MCF2L: variants seen among roughly 807,000 people sequenced by gnomAD.
MCF2L encodes guanine nucleotide exchange factor DBS.
MCF2L carries 97 observed loss-of-function variants against 153.4 expected under a neutral mutation model. The ratio of observed to expected loss-of-function variants is 0.63; its 90% CI spans 0.54 to 0.75. The LOEUF (loss-of-function observed/expected upper bound fraction) is 0.75. Ranked by LOEUF, MCF2L falls within the 30% of genes least tolerant of loss-of-function variation. The probability of loss-of-function intolerance (pLI) is 0.00; values close to 1 mark genes in which losing one functional copy is unlikely to be tolerated. For synonymous variants in MCF2L, 659 were observed against 632.2 expected (o/e 1.04, Z -0.64); for missense variants, 1,347 against 1,495.2 (o/e 0.90, Z 1.64).
chr13:113,049,882 C>T (rs982029319), intron 4 of MCF2L, among the ~76,000 whole-genome samples: 1 of 152,232 alleles, frequency 6.6e-6, no homozygotes, highest in Non-Finnish European at 1.5e-5. Context: ...ATGCCTTCAG[C>T]ATGGCTTGGA....
chr13:112,896,606 G>A (rs1036238292), intron 1 of MCF2L, among the ~76,000 whole-genome samples: 62 of 152,318 alleles, frequency 4.1e-4, no homozygotes, highest in Non-Finnish European at 7.2e-4. Context: ...CAGTTGAGAT[G>A]ATTTGGGATC....
At chr13:113,090,231 C>T (rs1049519289) in intron 26 of MCF2L, 38 of 1,430,542 alleles carry the variant, frequency 2.7e-5, no homozygotes, top group African/African-American at 1.6e-4. Context: ...TGTGACCATT[C>T]GTGCCTCCTT....
intron 2 of MCF2L, among the ~76,000 whole-genome samples, chr13:112,953,125 TTAAATAAA>T (rs1257483268): frequency 2.6e-5 from 4 of 152,108 alleles, no homozygotes; most frequent in African/African-American, 9.7e-5. Context: ...ACTTCAAGAG[TTAAATAAA>T]TACAGGCCTT....
chr13:113,023,852 A>G lies in MCF2L; in HGVS notation c.164-792A>G, dbSNP rs377381864. Among the ~76,000 whole-genome samples, 26 of 152,160 alleles carry G rather than the reference A, an allele frequency of 1.7e-4. No homozygotes were observed. The East Asian group carries it at 5.0e-3, about 29-fold the overall frequency. On this transcript the variant is annotated intron_variant, in intron 2 of 29. Coordinates refer to ENST00000535094, the MANE Select transcript of MCF2L (RefSeq NM_001112732.3). ...TGCCCTTTCACAAAGTCCACCCTCA[A>G]CCCTGGGTACTGGCCTCCTCAGAGC...
intron 1 of MCF2L, among the ~76,000 whole-genome samples, chr13:112,994,695 C>T (rs1476831765): frequency 5.3e-5 from 8 of 152,152 alleles, no homozygotes; most frequent in African/African-American, 9.6e-5. Context: ...AATCCAGCCC[C>T]GAGGGTGGGG....
chr13:112,919,365 C>A (rs1175976972), intron 2 of MCF2L, among the ~76,000 whole-genome samples: 1 of 151,334 alleles, frequency 6.6e-6, no homozygotes, highest in African/African-American at 2.4e-5. Context: ...GCCACTACGC[C>A]CGGCTAATTT....
Position 113,053,586 on chromosome 13 carries a change from G to C in MCF2L, c.370-7007G>C, listed in dbSNP as rs2087518111. ...GTGCCTCTCCTCTTGGTAATCAGTGGGTCATGTGTGGTGATGCTCAGGACG... is the reference window on the plus strand; with the variant it reads ...GTGCCTCTCCTCTTGGTAATCAGTGCGTCATGTGTGGTGATGCTCAGGACG... On this transcript the variant is annotated intron_variant, in intron 4 of 29. Transcript: ENST00000535094. This position sits in a 1 kb window ranked among gnomAD's most constrained non-coding sequence, Gnocchi z 4.4. Among the ~76,000 whole-genome samples the C allele has an allele frequency of 6.6e-6, 1 of 152,172 alleles. No homozygotes were observed. The highest frequency in any genetic ancestry group is 2.4e-5 in the African/African-American group (1 of 41,442).
chr13:112,965,750 A>C (rs1038312566), upstream of MCF2L: 1 of 152,208 alleles, frequency 6.6e-6, no homozygotes, highest in Non-Finnish European at 1.5e-5. Flanking sequence ...CTGATCATCC[A>C]GAAAGGTCGC....
chr13:112,942,155 A>T (rs6577021), intron 2 of MCF2L, among the ~76,000 whole-genome samples: 38,619 of 152,184 alleles, frequency 0.25, 5,041 homozygotes, highest in Admixed American at 0.28. Flanking sequence ...CTGGAGGCCT[A>T]ACCGTCTCCC....
intron 2 of MCF2L, among the ~76,000 whole-genome samples, chr13:112,923,839 G>A (rs2081377653): frequency 6.6e-6 from 1 of 152,142 alleles, no homozygotes; most frequent in Admixed American, 6.5e-5. Flanking sequence ...GTTGTCCTGT[G>A]TTTTATCTTT....
At chr13:112,996,103 C>T (rs368837868) in intron 1 of MCF2L, among the ~76,000 whole-genome samples, 87 of 152,314 alleles carry the variant, frequency 5.7e-4, no homozygotes, top group African/African-American at 2.0e-3. Context: ...CATGCAGTCT[C>T]CAAGGCTGGG....
At chr13:113,020,815 G>GTGC (rs2084828384) in intron 2 of MCF2L, among the ~76,000 whole-genome samples, 1 of 151,648 alleles carries the variant, frequency 6.6e-6, no homozygotes, top group Non-Finnish European at 1.5e-5. Context: ...TGTATAGTGT[G>GTGC]TGCGCGTGTG....
intron 2 of MCF2L, among the ~76,000 whole-genome samples, chr13:112,922,696 G>A (rs1391538441): frequency 4.6e-5 from 7 of 152,330 alleles, no homozygotes; most frequent in Admixed American, 2.6e-4. Context: ...TTAGCCAGGC[G>A]TGGTGGCACG....
rs779274453 is a variant in MCF2L at position 112,915,410 on chromosome 13, CAA to C, written c.169+13053_169+13054del. 3.5e-5 allele frequency among the ~76,000 whole-genome samples: 3 copies of C among 86,922 alleles called. 1 individual carries two copies. The highest frequency in any genetic ancestry group is 1.1e-4 in the African/African-American group (2 of 18,730). 57.0% of individuals were successfully genotyped at this position (86,922 alleles called of 152,430 possible). A position where few individuals can be genotyped will look rare whatever the true frequency, so the allele number is the denominator to read the frequency against. ...GGTGACAGAGCAAGACTCTGTCTCA[CAA>C]AAAAAAAAAAAAATCCATCCTCACT... On this transcript the variant is annotated intron_variant, in intron 2 of 29. Coordinates refer to the MCF2L transcript ENST00000375608.
At chr13:112,916,414 C>A (rs749029463) in intron 2 of MCF2L, among the ~76,000 whole-genome samples, 3 of 152,174 alleles carry the variant, frequency 2.0e-5, no homozygotes, top group Non-Finnish European at 4.4e-5. Flanking sequence ...ATCTTCTGAG[C>A]TCCTGCTTGA....
intron 1 of MCF2L, among the ~76,000 whole-genome samples, chr13:113,013,055 C>A (rs2084276141): frequency 6.6e-6 from 1 of 152,120 alleles, no homozygotes; most frequent in African/African-American, 2.4e-5. Context: ...ACAGTGCCTC[C>A]TGGTTTCCTC....
chr13:113,075,429 G>T (rs1398328833), intron 11 of MCF2L, among the ~76,000 whole-genome samples: 2 of 151,352 alleles, frequency 1.3e-5, no homozygotes, highest in Admixed American at 6.6e-5. Flanking sequence ...TGGGCTCAAG[G>T]GATCCTCCCA....
intron 1 of MCF2L, chr13:112,979,819 C>T: frequency 1.3e-6 from 2 of 1,483,272 alleles, no homozygotes; most frequent in Non-Finnish European, 9.1e-7. Context: ...TGCAGGTGTC[C>T]TCTCTGCGGG....
At chr13:113,041,980 G>C (rs914687261) in intron 3 of MCF2L, among the ~76,000 whole-genome samples, 2 of 152,180 alleles carry the variant, frequency 1.3e-5, no homozygotes, top group Admixed American at 6.5e-5. Flanking sequence ...GCCTGGAGAG[G>C]ATCATAGCAC....
Sources: gnomAD v4.1 joint callset for allele counts (sites outside exome capture counted in the v4.1 genomes callset) on GRCh38, gnomAD v4.1.1 for gene constraint, Gnocchi (gnomAD v3.1) non-coding constraint, MANE v1.5 for transcripts, NCBI Gene and HGNC (gene_info 2026-07-23, HGNC 2026-07-21) for gene names.